ANKRA2: variants seen among roughly 807,000 people sequenced by gnomAD.
The protein encoded by ANKRA2 is ankyrin repeat family A protein 2.
A neutral mutation model predicts 37.8 loss-of-function variants in ANKRA2; 33 were observed. The ratio of observed to expected loss-of-function variants is 0.87; its 90% CI spans 0.66 to 1.17. The LOEUF is 1.17. Ranked by LOEUF, ANKRA2 falls within the 50% of genes most tolerant of loss-of-function variation. The pLI, the probability that ANKRA2 is intolerant of heterozygous loss-of-function variation, is 0.00. For missense variants in ANKRA2, 326 were observed against 373.7 expected (o/e 0.87, Z 1.05); for synonymous variants, 126 against 132.3 (o/e 0.95, Z 0.33).
intron 2 of ANKRA2, among the ~76,000 whole-genome samples, chr5:73,562,043 G>A (rs917720955): frequency 3.3e-5 from 5 of 152,012 alleles, no homozygotes; most frequent in Non-Finnish European, 5.9e-5. Context: ...TTGAGACAGA[G>A]TCTCACTCTG....
Position 73,554,945 on chromosome 5 carries a change from T to TG in ANKRA2, c.653dup (p.Leu219ThrfsTer6). On this transcript the variant is annotated frameshift_variant, in exon 6 of 9. Transcript: ENST00000296785. LOFTEE classifies it high-confidence loss of function. ...AGCCTTTACTACAGGCCAACGACAG[T>TG]GCACTTTCTCGACCTTTTCCTAAAA... 6.2e-7 allele frequency: 1 copy of TG among 1,613,890 alleles called. No individual in the cohort carries two copies. The highest frequency in any genetic ancestry group is 1.6e-4 in the Middle Eastern group (1 of 6,062).
Position 73,557,598 on chromosome 5 carries a change from T to C in ANKRA2, c.491A>G (p.Tyr164Cys), listed in dbSNP as rs1289159873. Residue 164 changes from tyrosine to cysteine, a missense_variant, in exon 4 of 9, where the codon TAT (tyrosine) becomes TGT (cysteine). This residue lies in a region of ANKRA2 where 228 missense variants were observed against 260.2 expected (regional missense o/e 0.88). Transcript: ENST00000296785. ...HQLAAQGEML[Y>C]LATRIEQENV... ...ACCTTGTTCGATACGAGTAGCCAGA[T>C]AGAGCATCTCTCCCTGAGCAGCCAA... 17 of 1,610,478 alleles carry C rather than the reference T, an allele frequency of 1.1e-5. No homozygotes were observed. The East Asian group carries it at 3.6e-4, about 34-fold the overall frequency.
intron 1 of ANKRA2, 45 bp from the exon 2 acceptor site, chr5:73,563,030 G>GT: frequency 1.5e-6 from 1 of 673,578 alleles, no homozygotes; most frequent in Non-Finnish European, 2.4e-6. Flanking sequence ...ATCAGCTTAG[G>GT]TAAAAACACA....
intron 1 of ANKRA2, among the ~76,000 whole-genome samples, chr5:73,563,256 T>A (rs1245264953): frequency 2.0e-5 from 3 of 152,232 alleles, no homozygotes; most frequent in Non-Finnish European, 4.4e-5. Context: ...AGGGTTCTGG[T>A]AAAGACCAAA....
intron 3 of ANKRA2, among the ~76,000 whole-genome samples, chr5:73,559,902 G>T (rs935303940): frequency 6.6e-6 from 1 of 151,988 alleles, no homozygotes; most frequent in African/African-American, 2.4e-5. Context: ...GGGACTACAG[G>T]TGTTTGCCAC....
chr5:73,564,600 C>T lies in ANKRA2; in HGVS notation c.-105+532G>A, dbSNP rs187813146. Among the ~76,000 whole-genome samples, 6 of 152,296 alleles carry T rather than the reference C, an allele frequency of 3.9e-5. No individual in the cohort carries two copies. In the East Asian group the frequency reaches 1.2e-3, roughly 29 times the overall value. ...CCCAACATCGCTACTAACTAGCTGG[C>T]CACTCCTGGACAAATAAATAATACA... On this transcript the variant is annotated intron_variant, in intron 1 of 8. Coordinates refer to ENST00000296785, the MANE Select transcript of ANKRA2 (RefSeq NM_023039.5).
At chr5:73,553,518 A>ATTTTCATTTCATTT in intron 7 of ANKRA2, 32 bp from the exon 8 acceptor site, 1 of 1,539,732 alleles carries the variant, frequency 6.5e-7, no homozygotes, top group Non-Finnish European at 9.0e-7. Context: ...ACATAAATGA[A>ATTTTCATTTCATTT]ATGAAAATGC....
At position 73,552,473 on chromosome 5, in the gene ANKRA2, G is replaced by A. The variant is rs574954136; in HGVS notation, c.*324C>T. ...ATATAAAGTGAATGACTTAATACACGAGTGAAGATGACTAGGGTAGAATAA... is the reference window on the plus strand; with the variant it reads ...ATATAAAGTGAATGACTTAATACACAAGTGAAGATGACTAGGGTAGAATAA... On this transcript the variant is annotated 3_prime_UTR_variant, in exon 9 of 9. Transcript: ENST00000296785. 3.1e-4 allele frequency: 62 copies of A among 200,296 alleles called. 2 individuals carry two copies. In the Admixed American group the frequency reaches 3.1e-3, roughly 10 times the overall value. The allele number at this position is 200,296 out of a possible 1,614,324, so 12.4% of individuals were successfully genotyped here.
chr5:73,553,411 C>T lies in ANKRA2; in HGVS notation c.881G>A (p.Arg294Lys). 1 of 1,611,610 alleles carries T rather than the reference C, an allele frequency of 6.2e-7. No individual in the cohort carries two copies. ...AGGAGTTCTAACATACTTACCACTT[C>T]TATAGCCTAGGGCTACAGCTAGATC... ...SMDLAVALGY[R>K]SVQQVIESHL... is the part of the protein sequence containing the mutation. Residue 294 changes from arginine (R) to lysine (K), a missense_variant, in exon 8 of 9, where the codon AGA (arginine) becomes AAA (lysine). Physicochemically the swap from Arg to Lys is conservative, Grantham distance 26. Coordinates refer to ENST00000296785, the MANE Select transcript of ANKRA2 (RefSeq NM_023039.5).
At chr5:73,556,045 A>C (rs906601752) in intron 4 of ANKRA2, among the ~76,000 whole-genome samples, 48 of 152,238 alleles carry the variant, frequency 3.2e-4, no homozygotes, top group Admixed American at 5.9e-4. Context: ...TTACAGAAAT[A>C]TATAAACTTA....
intron 3 of ANKRA2, among the ~76,000 whole-genome samples, chr5:73,558,910 C>T (rs1025308543): frequency 6.6e-6 from 1 of 152,180 alleles, no homozygotes; most frequent in Non-Finnish European, 1.5e-5. Flanking sequence ...ACATTTTTGT[C>T]TGTAACATGA....
intron 4 of ANKRA2, 158 bp downstream of exon 4, chr5:73,557,411 CTTTTTT>C (rs80067963): frequency 0.39 from 75,762 of 192,848 alleles, 11,111 homozygotes; most frequent in Admixed American, 0.53. Context: ...CTTTATATTC[CTTTTTT>C]TTTTTTTTTT....
intron 4 of ANKRA2, among the ~76,000 whole-genome samples, chr5:73,556,630 T>C (rs973282491): frequency 1.3e-5 from 2 of 152,150 alleles, no homozygotes; most frequent in Admixed American, 6.5e-5. Context: ...AATAAATTTA[T>C]GACTTACAGA....
chr5:73,560,201 A>G (rs971575354), intron 3 of ANKRA2, among the ~76,000 whole-genome samples: 7 of 152,344 alleles, frequency 4.6e-5, no homozygotes, highest in East Asian at 1.9e-4. Flanking sequence ...ATAATTGTGT[A>G]TATCTATGGA....
intron 7 of ANKRA2, 150 bp from the exon 8 acceptor site, chr5:73,553,636 A>T: frequency 1.6e-6 from 1 of 641,294 alleles, no homozygotes; most frequent in Non-Finnish European, 2.7e-6. Flanking sequence ...TGGGGTACTT[A>T]GAATTTACTT....
chr5:73,557,057 T>A (rs1322052844), intron 4 of ANKRA2, among the ~76,000 whole-genome samples: 1 of 147,246 alleles, frequency 6.8e-6, no homozygotes, highest in Non-Finnish European at 1.5e-5. Context: ...CCTATAGATA[T>A]ACTTTTAAGT....
At chr5:73,562,540 C>A in intron 2 of ANKRA2, 53 bp downstream of exon 2, 1 of 1,484,938 alleles carries the variant, frequency 6.7e-7, no homozygotes, top group East Asian at 2.3e-5. Flanking sequence ...GGAAAATAAC[C>A]CAAATATACA....
intron 3 of ANKRA2, among the ~76,000 whole-genome samples, chr5:73,559,159 A>T (rs1323543742): frequency 6.6e-6 from 1 of 152,214 alleles, no homozygotes; most frequent in Non-Finnish European, 1.5e-5. Flanking sequence ...GTGGGATGAG[A>T]GTCCTACAGG....
rs755212679 is a variant in ANKRA2 at position 73,554,918 on chromosome 5, G to A, written c.681C>T (p.Tyr227=). 3 of 1,613,804 alleles carry A rather than the reference G, an allele frequency of 1.9e-6. No homozygotes were observed. The highest frequency in any genetic ancestry group is 2.5e-6 in the Non-Finnish European group (3 of 1,179,760). Residue 227 remains tyrosine (Y), a synonymous_variant, in exon 6 of 9, where the codon TAC becomes TAT. Coordinates refer to ENST00000296785, the MANE Select transcript of ANKRA2 (RefSeq NM_023039.5). ...CAAGCAGCATTTTGACAATATCTGT[G>A]TAGCCTTTACTACAGGCCAACGACA... The part of the protein sequence containing the change: ...SALSLACSKG[Y]TDIVKMLLDC...
Sources: allele counts gnomAD v4.1 joint callset (sites outside exome capture counted in the v4.1 genomes callset), GRCh38; gene constraint gnomAD v4.1.1; regional missense constraint gnomAD v4.1.1; transcripts MANE v1.5; gene names NCBI Gene and HGNC (gene_info 2026-07-23, HGNC 2026-07-21).